The following MAST4 variants were observed in gnomAD, a reference collection of about 807,000 sequenced individuals.
The protein encoded by MAST4 is microtubule associated serine/threonine kinase family member 4.
In MAST4, 89 loss-of-function variants were observed where a neutral mutation model predicts 162.7. That is an observed-to-expected ratio of 0.55 (90% CI 0.46 to 0.65). The LOEUF (loss-of-function observed/expected upper bound fraction) is 0.65. Among genes scored for constraint, MAST4 ranks in the 30% least tolerant of loss-of-function variants. The pLI is 0.00. For missense variants in MAST4, 3,153 were observed against 3,374.0 expected (o/e 0.93, Z 1.62); for synonymous variants, 1,479 against 1,361.1 (o/e 1.09, Z -1.91).
intron 1 of MAST4, among the ~76,000 whole-genome samples, chr5:66,740,468 C>G (rs1014967768): frequency 9.2e-5 from 14 of 152,234 alleles, no homozygotes; most frequent in Admixed American, 7.9e-4. Flanking sequence ...CATTAACCAT[C>G]ATCTCCCAGA....
At chr5:66,699,020 C>A (rs1019746099) in intron 1 of MAST4, among the ~76,000 whole-genome samples, 4 of 152,188 alleles carry the variant, frequency 2.6e-5, no homozygotes, top group African/African-American at 7.2e-5. Flanking sequence ...TATATCATTT[C>A]TCTGCTTAGA....
chr5:67,150,634 G>A (rs1419307751), intron 24 of MAST4, among the ~76,000 whole-genome samples: 2 of 152,160 alleles, frequency 1.3e-5, no homozygotes, highest in African/African-American at 4.8e-5. Flanking sequence ...TAGGAAGCCC[G>A]TACTTTGGTA....
intron 4 of MAST4, chr5:66,959,165 C>G: frequency 1.3e-6 from 1 of 775,338 alleles, no homozygotes; most frequent in Middle Eastern, 2.4e-4. Flanking sequence ...TAGAGAGGTT[C>G]GGTTTGGCTC....
chr5:66,748,376 G>A lies in MAST4; in HGVS notation c.364-11333G>A, dbSNP rs375495619. Among the ~76,000 whole-genome samples, 8 of 78,360 alleles carry A rather than the reference G, an allele frequency of 1.0e-4. No individual in the cohort carries two copies. In the East Asian group the frequency reaches 2.8e-3, roughly 28 times the overall value. 51.4% of individuals were successfully genotyped at this position (78,360 alleles called of 152,430 possible). A position where few individuals can be genotyped will look rare whatever the true frequency, so the allele number is the denominator to read the frequency against. ...AAGAACAGAGCAGCAGGATTTATAG[G>A]ACCCCTTCCTTCCTTCTTTCCTTCC... On this transcript the variant is annotated intron_variant, in intron 1 of 28. Transcript: ENST00000403625.
intron 3 of MAST4, among the ~76,000 whole-genome samples, chr5:66,838,033 G>A (rs1207118684): frequency 6.6e-6 from 1 of 151,236 alleles, no homozygotes; most frequent in East Asian, 1.9e-4. Flanking sequence ...GCCTTGGGGG[G>A]CAATTATCAT....
chr5:66,912,019 G>A (rs1763811928), intron 4 of MAST4, among the ~76,000 whole-genome samples: 1 of 152,132 alleles, frequency 6.6e-6, no homozygotes, highest in African/African-American at 2.4e-5. Context: ...GGGGGTGGTG[G>A]TATATGCTTT....
At chr5:66,948,111 G>A (rs1030296515) in intron 4 of MAST4, among the ~76,000 whole-genome samples, 3 of 152,120 alleles carry the variant, frequency 2.0e-5, no homozygotes, top group African/African-American at 4.8e-5. Flanking sequence ...GATGAAGGAG[G>A]CTGGCAGCTT....
intron 1 of MAST4, among the ~76,000 whole-genome samples, chr5:66,701,514 T>C: frequency 6.6e-6 from 1 of 152,228 alleles, no homozygotes; most frequent in Non-Finnish European, 1.5e-5. Flanking sequence ...TGTGGTACAT[T>C]AGGCCTTGGT....
intron 11 of MAST4, 28 bp from the exon 12 acceptor site, chr5:67,114,059 G>T (rs1330397655): frequency 1.2e-6 from 2 of 1,612,586 alleles, no homozygotes; most frequent in Admixed American, 1.7e-5. Context: ...GCTCAAAGAA[G>T]TATCCATCTG....
At chr5:67,051,149 G>A (rs546606156) in intron 4 of MAST4, among the ~76,000 whole-genome samples, 76 of 151,308 alleles carry the variant, frequency 5.0e-4, no homozygotes, top group Non-Finnish European at 8.7e-4. Context: ...TAATCTGGTC[G>A]GACATCACCT....
intron 4 of MAST4, among the ~76,000 whole-genome samples, chr5:67,005,781 G>A (rs949932190): frequency 1.3e-5 from 2 of 152,334 alleles, no homozygotes; most frequent in South Asian, 4.1e-4. Flanking sequence ...TTTGAAGGAG[G>A]CATTTCTCAC....
chr5:66,878,490 A>C (rs1761455628), intron 3 of MAST4, among the ~76,000 whole-genome samples: 1 of 152,220 alleles, frequency 6.6e-6, no homozygotes, highest in Non-Finnish European at 1.5e-5. Flanking sequence ...CAGAGCTAGT[A>C]AAAGGTGAAG....
chr5:67,088,827 T>G (rs1763534675), intron 5 of MAST4, among the ~76,000 whole-genome samples: 1 of 152,266 alleles, frequency 6.6e-6, no homozygotes, highest in Admixed American at 6.5e-5. Flanking sequence ...CTGTCTGTCT[T>G]AAAGTTAATG....
At chr5:66,781,656 C>T (rs1441564210) in intron 2 of MAST4, among the ~76,000 whole-genome samples, 2 of 152,142 alleles carry the variant, frequency 1.3e-5, no homozygotes, top group Non-Finnish European at 2.9e-5. Flanking sequence ...TCAGAGTTCT[C>T]CTCTATGACT....
Position 66,982,091 on chromosome 5 carries a change from C to T in MAST4, c.675-72313C>T, listed in dbSNP as rs1033570359. On this transcript the variant is annotated intron_variant, in intron 4 of 28. Coordinates refer to ENST00000403625, the MANE Select transcript of MAST4 (RefSeq NM_001164664.2). ...TTAAAGATGAGGAAATCAGGATTTACAGAGAGAGATTAACTTGTCCGGAGT... is the reference window on the plus strand; with the variant it reads ...TTAAAGATGAGGAAATCAGGATTTATAGAGAGAGATTAACTTGTCCGGAGT... Among the ~76,000 whole-genome samples the T allele has an allele frequency of 2.0e-5, 3 of 152,126 alleles. No individual in the cohort carries two copies. In the South Asian group the frequency reaches 6.2e-4, roughly 32 times the overall value.
At chr5:66,968,170 G>A (rs1298117882) in intron 4 of MAST4, among the ~76,000 whole-genome samples, 3 of 152,286 alleles carry the variant, frequency 2.0e-5, no homozygotes, top group Non-Finnish European at 4.4e-5. Context: ...CTATTATGCC[G>A]TAGTGATGTT....
At chr5:67,156,591 A>G (rs1357432033) in intron 26 of MAST4, among the ~76,000 whole-genome samples, 1 of 152,188 alleles carries the variant, frequency 6.6e-6, no homozygotes, top group Non-Finnish European at 1.5e-5. Flanking sequence ...AATTCAGTAT[A>G]TAGTCAGGGG....
chr5:66,726,547 C>G (rs1038624892), intron 1 of MAST4, among the ~76,000 whole-genome samples: 1 of 152,020 alleles, frequency 6.6e-6, no homozygotes, highest in Middle Eastern at 3.2e-3. Context: ...GCTAAGGGAA[C>G]TTTGATTTGA....
At chr5:67,080,537 T>C (rs1762476752) in intron 5 of MAST4, among the ~76,000 whole-genome samples, 1 of 152,176 alleles carries the variant, frequency 6.6e-6, no homozygotes, top group Non-Finnish European at 1.5e-5. Flanking sequence ...TCAGATTGTC[T>C]ACTAAAGATA....
Sources: gnomAD v4.1 joint callset for allele counts (sites outside exome capture counted in the v4.1 genomes callset) on GRCh38, gnomAD v4.1.1 for gene constraint, MANE v1.5 for transcripts, NCBI Gene and HGNC (gene_info 2026-07-23, HGNC 2026-07-21) for gene names.